The following PACSIN2 variants were observed in gnomAD, a reference collection of about 807,000 sequenced individuals.
The protein encoded by PACSIN2 is protein kinase C and casein kinase substrate in neurons 2, also known as protein kinase C and casein kinase substrate in neurons protein 2.
In PACSIN2, 25 loss-of-function variants were observed where a neutral mutation model predicts 63.8. The observed-to-expected ratio is 0.39, with a 90% CI of 0.29 to 0.55. The LOEUF (loss-of-function observed/expected upper bound fraction) is 0.55. Among genes scored for constraint, PACSIN2 ranks in the 20% least tolerant of loss-of-function variants. The probability of loss-of-function intolerance (pLI) is 0.62; values close to 1 mark genes in which losing one functional copy is unlikely to be tolerated. For synonymous variants in PACSIN2, 255 were observed against 256.2 expected (o/e 1.00, Z 0.05); for missense variants, 518 against 646.9 (o/e 0.80, Z 2.16).
At chr22:43,011,687 G>A (rs1048664793) in intron 1 of PACSIN2, among the ~76,000 whole-genome samples, 4 of 152,108 alleles carry the variant, frequency 2.6e-5, no homozygotes, top group African/African-American at 7.2e-5. Flanking sequence ...GATCAGCCTG[G>A]CCAACACTGT....
chr22:42,979,555 G>GAA (rs1921936838), intron 1 of PACSIN2, among the ~76,000 whole-genome samples: 1 of 136,242 alleles, frequency 7.3e-6, no homozygotes, highest in East Asian at 2.1e-4. Context: ...GGAAAGAAAA[G>GAA]AAAAAAGAAA....
At chr22:43,010,661 G>A (rs955617313) in intron 1 of PACSIN2, among the ~76,000 whole-genome samples, 1 of 152,058 alleles carries the variant, frequency 6.6e-6, no homozygotes, top group African/African-American at 2.4e-5. Flanking sequence ...AGTGAGCCAA[G>A]ATCACACCAC....
chr22:42,882,565 A>G (rs1242255057), intron 6 of PACSIN2, among the ~76,000 whole-genome samples: 1 of 152,212 alleles, frequency 6.6e-6, no homozygotes, highest in Non-Finnish European at 1.5e-5. Context: ...CACATATGCA[A>G]AAGGCACCAG....
intron 1 of PACSIN2, among the ~76,000 whole-genome samples, chr22:43,010,398 A>ATATATATTTTTTTT: frequency 1.9e-4 from 24 of 126,392 alleles, no homozygotes; most frequent in African/African-American, 6.8e-4. Context: ...ATATATATAT[A>ATATATATTTTTTTT]TTTTTTTTTA....
chr22:42,890,535 T>C (rs980808395), intron 4 of PACSIN2, among the ~76,000 whole-genome samples: 3 of 151,862 alleles, frequency 2.0e-5, no homozygotes, highest in Non-Finnish European at 4.4e-5. Context: ...CTGGCCAACA[T>C]GGTGAAACCC....
chr22:42,949,223 C>T (rs541947931), intron 1 of PACSIN2, among the ~76,000 whole-genome samples: 8 of 152,210 alleles, frequency 5.3e-5, no homozygotes, highest in Non-Finnish European at 1.0e-4. Flanking sequence ...CTGACCTACA[C>T]AGAGTAGGAA....
chr22:42,990,907 A>G (rs1029445046), intron 1 of PACSIN2, among the ~76,000 whole-genome samples: 9 of 152,154 alleles, frequency 5.9e-5, no homozygotes, highest in Non-Finnish European at 1.2e-4. Flanking sequence ...GCACAGCCCA[A>G]AGACTTCTTC....
rs186167600 is a variant in PACSIN2, at chr22:42,876,285, G to A, written c.1200C>T (p.Asp400=). The A allele has an allele frequency of 3.5e-4, 569 of 1,614,186 alleles. 2 individuals carry two copies. The Admixed American group carries it at 8.4e-3, about 24-fold the overall frequency. Residue 400 remains aspartate, a synonymous_variant, in exon 10 of 11, where the codon GAC becomes GAT. Coordinates refer to ENST00000263246, the MANE Select transcript of PACSIN2 (RefSeq NM_001184970.3). ...AGGAGAAGGGGTTGTTAGACTCATC[G>A]TCTGACCAGTCGGTGGGATAGCTCT... is the stretch of plus-strand genomic sequence containing the variant. The part of the protein sequence containing the change: ...KTQSYPTDWS[D]DESNNPFSST...
chr22:42,944,741 G>A (rs539866150), intron 1 of PACSIN2, among the ~76,000 whole-genome samples: 42 of 152,290 alleles, frequency 2.8e-4, no homozygotes, highest in African/African-American at 7.9e-4. Context: ...TTTTCCATCC[G>A]AAATTGGGTA....
intron 1 of PACSIN2, among the ~76,000 whole-genome samples, chr22:42,994,816 C>T (rs765096167): frequency 6.6e-6 from 1 of 152,200 alleles, no homozygotes. Flanking sequence ...CGGGGAGCAC[C>T]CTAGCATATC....
At chr22:42,981,632 C>T (rs1484983548) in intron 1 of PACSIN2, among the ~76,000 whole-genome samples, 6 of 125,360 alleles carry the variant, frequency 4.8e-5, no homozygotes, top group Admixed American at 1.5e-4. Flanking sequence ...CCAGCCGCCC[C>T]GTCCGGGAGG....
chr22:42,926,353 C>T (rs1278423171), intron 1 of PACSIN2, among the ~76,000 whole-genome samples: 3 of 152,166 alleles, frequency 2.0e-5, no homozygotes, highest in African/African-American at 7.2e-5. Flanking sequence ...TGGGGCAGAA[C>T]ACACTCAAAG....
chr22:42,950,298 G>A (rs1270299649), intron 1 of PACSIN2, among the ~76,000 whole-genome samples: 2 of 151,752 alleles, frequency 1.3e-5, no homozygotes, highest in East Asian at 3.9e-4. Flanking sequence ...AGCATCCATG[G>A]ATTTTGGTAT....
At chr22:42,876,355 AG>A (rs1333695178) in intron 9 of PACSIN2, 22 bp from the exon 10 acceptor site, 13 of 1,608,580 alleles carry the variant, frequency 8.1e-6, no homozygotes, top group Non-Finnish European at 1.1e-5. Flanking sequence ...GGGAGGCCAC[AG>A]GGCCCTCAGC....
chr22:42,926,570 G>A (rs141716644), intron 1 of PACSIN2, among the ~76,000 whole-genome samples: 1 of 152,112 alleles, frequency 6.6e-6, no homozygotes, highest in Non-Finnish European at 1.5e-5. Context: ...ACACAGCACA[G>A]ACTCTCCAAT....
At chr22:42,993,949 C>T (rs1055136201) in intron 1 of PACSIN2, among the ~76,000 whole-genome samples, 5 of 152,188 alleles carry the variant, frequency 3.3e-5, no homozygotes, top group Admixed American at 2.0e-4. Context: ...GAGCTGCTCA[C>T]CCCCAAGCCA....
chr22:42,931,342 T>C (rs1433029496), intron 1 of PACSIN2, among the ~76,000 whole-genome samples: 3 of 152,322 alleles, frequency 2.0e-5, no homozygotes, highest in African/African-American at 4.8e-5. Context: ...CTACCACTCC[T>C]TGGGATTGTT....
chr22:42,899,810 C>T (rs561607409), intron 2 of PACSIN2, among the ~76,000 whole-genome samples: 20 of 152,292 alleles, frequency 1.3e-4, no homozygotes, highest in East Asian at 3.9e-4. Flanking sequence ...TGCGCGACTA[C>T]GCCGACACAC....
At chr22:42,888,514 G>T in intron 5 of PACSIN2, 129 bp downstream of exon 5, 1 of 864,950 alleles carries the variant, frequency 1.2e-6, no homozygotes, top group Non-Finnish European at 1.8e-6. Context: ...TGAGGACAGG[G>T]GTGTGTTTTA....
Sources: gnomAD v4.1 joint callset for allele counts (sites outside exome capture counted in the v4.1 genomes callset) on GRCh38, gnomAD v4.1.1 for gene constraint, MANE v1.5 for transcripts, NCBI Gene and HGNC (gene_info 2026-07-23, HGNC 2026-07-21) for gene names.